The following MEI1 variants were observed in gnomAD, a reference collection of about 807,000 sequenced individuals.
The protein encoded by MEI1 is meiotic double-stranded break formation protein 1, also known as meiosis inhibitor protein 1.
In MEI1, 103 loss-of-function variants were observed where a neutral mutation model predicts 146.2. The ratio of observed to expected loss-of-function variants is 0.70; its 90% CI spans 0.60 to 0.83. The LOEUF is 0.83. MEI1 is among the 40% of genes least tolerant of loss of function. MEI1 has a pLI of 0.00. For synonymous variants in MEI1, 652 were observed against 628.2 expected, an observed-to-expected ratio of 1.04 and a Z score of -0.57; for missense variants, 1,529 against 1,533.0, an observed-to-expected ratio of 1.00 and a Z score of 0.04.
At chr22:41,738,614 A>G (rs2072588169) in intron 11 of MEI1, among the ~76,000 whole-genome samples, 2 of 151,080 alleles carry the variant, frequency 1.3e-5, no homozygotes, top group Admixed American at 1.3e-4. Context: ...AAACACCAAA[A>G]TACAAAAATT....
intron 11 of MEI1, among the ~76,000 whole-genome samples, chr22:41,734,796 C>T (rs2072184809): frequency 1.3e-5 from 2 of 151,396 alleles, no homozygotes; most frequent in Admixed American, 6.6e-5. Context: ...TGCCACCATG[C>T]CCAGCTAATT....
intron 20 of MEI1, among the ~76,000 whole-genome samples, chr22:41,773,562 A>G (rs1405694585): frequency 1.1e-3 from 1 of 910 alleles, no homozygotes; most frequent in Non-Finnish European, 2.2e-3. Context: ...ATCAATGGTA[A>G]AAAAAAAAAA....
intron 13 of MEI1, among the ~76,000 whole-genome samples, chr22:41,745,318 C>A (rs1004698622): frequency 6.6e-6 from 1 of 152,120 alleles, no homozygotes; most frequent in Admixed American, 6.6e-5. Context: ...TCTTATTCAC[C>A]TTCGTTCCCC....
chr22:41,746,910 A>G (rs544021901), intron 14 of MEI1, among the ~76,000 whole-genome samples: 1 of 152,202 alleles, frequency 6.6e-6, no homozygotes, highest in Admixed American at 6.5e-5. Context: ...ATCGCAGTTT[A>G]CTCACCTGCC....
intron 8 of MEI1, 62 bp from the exon 9 acceptor site, chr22:41,730,459 C>A: frequency 1.8e-6 from 2 of 1,092,216 alleles, no homozygotes; most frequent in Non-Finnish European, 1.4e-6. Flanking sequence ...GCCTTAGCAT[C>A]AGTTAAGGGA....
intron 6 of MEI1, among the ~76,000 whole-genome samples, chr22:41,720,642 C>T (rs1207811988): frequency 1.3e-5 from 2 of 149,152 alleles, no homozygotes; most frequent in Non-Finnish European, 3.0e-5. Flanking sequence ...GTTGCCCAGG[C>T]TGGAGTGCAG....
At chr22:41,728,052 C>G (rs1328155472) in intron 7 of MEI1, among the ~76,000 whole-genome samples, 1 of 152,200 alleles carries the variant, frequency 6.6e-6, no homozygotes, top group Non-Finnish European at 1.5e-5. Flanking sequence ...CACATATACT[C>G]AAGTCCTACA....
At chr22:41,753,873 C>G in intron 16 of MEI1, 76 bp from the exon 17 acceptor site, 1 of 1,000,304 alleles carries the variant, frequency 1.0e-6, no homozygotes, top group Admixed American at 1.7e-5. Flanking sequence ...GGTGCCCAGG[C>G]ATATGGCAGG....
At chr22:41,720,409 C>T (rs1219297367) in intron 6 of MEI1, among the ~76,000 whole-genome samples, 5 of 152,014 alleles carry the variant, frequency 3.3e-5, no homozygotes, top group Non-Finnish European at 7.4e-5. Flanking sequence ...TGGGAATTCC[C>T]ACTTTTATTT....
intron 11 of MEI1, among the ~76,000 whole-genome samples, chr22:41,742,762 C>T (rs1229587353): frequency 1.3e-5 from 2 of 152,144 alleles, no homozygotes; most frequent in East Asian, 3.9e-4. Context: ...AGGTGATCCT[C>T]CCACCTCTGC....
At chr22:41,715,631 G>C (rs1168619142) in intron 4 of MEI1, among the ~76,000 whole-genome samples, 1 of 151,860 alleles carries the variant, frequency 6.6e-6, no homozygotes, top group Admixed American at 6.6e-5. Context: ...TCCTGACCTC[G>C]TGATCCGCCC....
intron 19 of MEI1, among the ~76,000 whole-genome samples, chr22:41,765,854 A>G (rs1335968999): frequency 4.7e-5 from 7 of 150,398 alleles, no homozygotes; most frequent in Admixed American, 4.0e-4. Context: ...TTAGTCATCA[A>G]TAGTCAAATT....
In MEI1 at chr22:41,712,495, A is replaced by G. The variant is rs911643236; in HGVS notation, c.350-1507A>G. 1.1e-4 allele frequency among the ~76,000 whole-genome samples: 17 copies of G among 151,868 alleles called. 2 individuals carry two copies. Among genetic ancestry groups the G allele is most frequent in the Admixed American group, 9.8e-4 (15 of 15,236 alleles). ...CGTGATCCACCCGCCTTGGCCTCCC[A>G]AAGTGCTGGGATTACAGGCGTGAGC... On this transcript the variant is annotated intron_variant, in intron 3 of 30. Coordinates refer to ENST00000401548, the MANE Select transcript of MEI1 (RefSeq NM_152513.4).
chr22:41,708,546 A>G (rs2069279821), intron 3 of MEI1, among the ~76,000 whole-genome samples: 1 of 152,208 alleles, frequency 6.6e-6, no homozygotes, highest in Admixed American at 6.5e-5. Context: ...TTCAGTGGAT[A>G]CCAAAAATCG....
intron 15 of MEI1, among the ~76,000 whole-genome samples, chr22:41,750,644 C>A (rs1173073752): frequency 6.6e-6 from 1 of 152,124 alleles, no homozygotes; most frequent in East Asian, 1.9e-4. Flanking sequence ...GAAACACTTA[C>A]CTGATTAGCT....
intron 20 of MEI1, among the ~76,000 whole-genome samples, chr22:41,775,535 G>A (rs1447415231): frequency 6.6e-6 from 1 of 151,658 alleles, no homozygotes; most frequent in Non-Finnish European, 1.5e-5. Flanking sequence ...AGCAAGTCAT[G>A]TAATCTCTCT....
rs747847912 is a variant in MEI1, at chr22:41,758,581, TC to T, written c.2120+49del. On this transcript the variant is annotated intron_variant, in intron 18 of 30. Coordinates refer to ENST00000401548, the MANE Select transcript of MEI1 (RefSeq NM_152513.4). ...CTGGTGGTGGGTCTTGGGACCTTCA[TC>T]AGCAGTTCAGTTCAATAAATAAGGG... is the stretch of plus-strand genomic sequence containing the variant. The T allele has an allele frequency of 3.9e-6, 6 of 1,556,134 alleles. No homozygotes were observed. In the South Asian group the frequency reaches 6.9e-5, roughly 18 times the overall value.
chr22:41,718,736 G>A (rs1601713143), intron 6 of MEI1, among the ~76,000 whole-genome samples: 1 of 152,256 alleles, frequency 6.6e-6, no homozygotes, highest in East Asian at 1.9e-4. Context: ...TTATTGGTTT[G>A]TAGTTCTGGA....
chr22:41,791,115 C>T (rs989887099), intron 26 of MEI1, among the ~76,000 whole-genome samples: 1 of 152,184 alleles, frequency 6.6e-6, no homozygotes, highest in African/African-American at 2.4e-5. Flanking sequence ...CAGAGCCAAA[C>T]TGAGCCATGC....
Sources: gnomAD v4.1 joint callset for allele counts (sites outside exome capture counted in the v4.1 genomes callset) on GRCh38, gnomAD v4.1.1 for gene constraint, MANE v1.5 for transcripts, NCBI Gene and HGNC (gene_info 2026-07-23, HGNC 2026-07-21) for gene names.